CDO1: variants seen among roughly 807,000 people sequenced by gnomAD.
CDO1 encodes cysteine dioxygenase type 1.
Under a neutral mutation model 24.5 loss-of-function variants are expected in CDO1, and 19 were observed. That is an observed-to-expected ratio of 0.77 (90% confidence interval 0.54 to 1.14). CDO1 has a LOEUF of 1.14. CDO1 is among the 50% of genes most tolerant of loss of function. The pLI, the probability that CDO1 is intolerant of heterozygous loss-of-function variation, is 0.00. For synonymous variants in CDO1, 91 were observed against 87.0 expected (o/e 1.05, Z -0.26); for missense variants, 244 against 244.8 (o/e 1.00, Z 0.02).
intron 3 of CDO1, among the ~76,000 whole-genome samples, chr5:115,807,146 T>C (rs986503827): frequency 6.6e-6 from 1 of 152,074 alleles, no homozygotes; most frequent in African/African-American, 2.4e-5. Flanking sequence ...CCATACTGAA[T>C]GGTAAAAATC....
intron 3 of CDO1, among the ~76,000 whole-genome samples, chr5:115,807,866 G>A (rs867107975): frequency 2.4e-4 from 37 of 152,116 alleles, no homozygotes; most frequent in Non-Finnish European, 4.7e-4. Context: ...ATACATCACT[G>A]TGAAATTTCA....
At chr5:115,812,147 A>T (rs1372387254) in intron 2 of CDO1, among the ~76,000 whole-genome samples, 1 of 152,236 alleles carries the variant, frequency 6.6e-6, no homozygotes, top group African/African-American at 2.4e-5. Context: ...CCCACTCTGG[A>T]CATAATGTGC....
At position 115,805,268 on chromosome 5, in the gene CDO1, C is replaced by A; in HGVS notation, c.*165G>T. On this transcript the variant is annotated 3_prime_UTR_variant, in exon 5 of 5. Transcript: ENST00000250535. ...ACTTTTCTTCTGCAGTAGCTGAGGG[C>A]ACTATTTGCTTACTTAATGCCTTAT... The A allele has an allele frequency of 1.8e-6, 1 of 550,228 alleles. No homozygotes were observed. The highest frequency in any genetic ancestry group is 3.0e-5 in the South Asian group (1 of 33,492). 34.1% of individuals were successfully genotyped at this position (550,228 alleles called of 1,614,324 possible).
chr5:115,805,360 G>C lies in CDO1; in HGVS notation c.*73C>G. ...TTAAGTATATTACTGGATAGCACGT[G>C]GTAGGTAGCCTTTTTGTCCAAGGCA... is the stretch of plus-strand genomic sequence containing the variant. On this transcript the variant is annotated 3_prime_UTR_variant, in exon 5 of 5. Transcript: ENST00000250535. The C allele has an allele frequency of 1.6e-6, 2 of 1,274,454 alleles. No homozygotes were observed. 78.9% of individuals were successfully genotyped at this position (1,274,454 alleles called of 1,614,324 possible). A position where few individuals can be genotyped will look rare whatever the true frequency, so the allele number is the denominator to read the frequency against.
At chr5:115,809,128 G>A (rs139941698) in intron 3 of CDO1, among the ~76,000 whole-genome samples, 40 of 152,248 alleles carry the variant, frequency 2.6e-4, no homozygotes, top group African/African-American at 9.1e-4. Flanking sequence ...GTTCAACACT[G>A]CAGGTCCACG....
At chr5:115,814,245 T>C (rs1336206426) in intron 1 of CDO1, 2 of 152,224 alleles carry the variant, frequency 1.3e-5, no homozygotes, top group African/African-American at 4.8e-5. Flanking sequence ...TTTTCCCTAC[T>C]TTGTAGCCTT....
At chr5:115,810,718 G>A (rs1273849263) in intron 3 of CDO1, among the ~76,000 whole-genome samples, 2 of 152,080 alleles carry the variant, frequency 1.3e-5, no homozygotes, top group Non-Finnish European at 1.5e-5. Context: ...GGCCAATAAC[G>A]TGCTTTGTAA....
Position 115,805,468 on chromosome 5 carries a change from A to G in CDO1, c.574-6T>C. 1 of 1,613,562 alleles carries G rather than the reference A, an allele frequency of 6.2e-7. No individual in the cohort carries two copies. On this transcript the variant is annotated splice_polypyrimidine_tract_variant and splice_region_variant and intron_variant, in intron 4 of 4. Coordinates refer to ENST00000250535, the MANE Select transcript of CDO1 (RefSeq NM_001801.3). ...TCCAGCGAGCCCGAAGTTGCCTGTA[A>G]AAAAGGGAAAAAAAGAAAGCTGTGT...
chr5:115,806,649 C>T (rs1170205417), intron 3 of CDO1, 131 bp from the exon 4 acceptor site: 13 of 690,186 alleles, frequency 1.9e-5, no homozygotes, highest in African/African-American at 3.8e-5. Flanking sequence ...TAGAATTGAA[C>T]TTGCAGTTAA....
rs1760460249 is a variant in CDO1 at position 115,816,512 on chromosome 5, C to G, written c.-115G>C. The G allele has an allele frequency of 5.4e-6, 6 of 1,111,748 alleles. No individual in the cohort carries two copies. The highest frequency in any genetic ancestry group is 7.9e-6 in the Non-Finnish European group (6 of 759,846). The allele number at this position is 1,111,748 out of a possible 1,614,324, so 68.9% of individuals were successfully genotyped here. ...ACAGCCCGCTAGACCGCTAAGCAGA[C>G]ACACACGCACAAACCCAGCATTAGA... On this transcript the variant is annotated 5_prime_UTR_variant, in exon 1 of 5. Coordinates refer to ENST00000250535, the MANE Select transcript of CDO1 (RefSeq NM_001801.3).
At chr5:115,808,134 A>G (rs1259589207) in intron 3 of CDO1, among the ~76,000 whole-genome samples, 1 of 152,108 alleles carries the variant, frequency 6.6e-6, no homozygotes, top group African/African-American at 2.4e-5. Flanking sequence ...ACCTGCCACC[A>G]TGCCCAGCTA....
intron 3 of CDO1, among the ~76,000 whole-genome samples, chr5:115,809,068 TA>T (rs1308209634): frequency 6.6e-6 from 1 of 152,200 alleles, no homozygotes; most frequent in Non-Finnish European, 1.5e-5. Context: ...TTTGATCCTG[TA>T]GCTTGTTGTG....
rs73780661 is a variant in CDO1, at chr5:115,813,449, C to A, written c.171-191G>T. ...TCCTTTTTCACAGTTCATTTTGAAC[C>A]GCTGCATTTACAGAGGTAGCTGCTC... On this transcript the variant is annotated intron_variant, in intron 1 of 4. Transcript: ENST00000250535. Among the ~76,000 whole-genome samples the A allele has an allele frequency of 4.1e-4, 63 of 152,102 alleles. 1 individual carries two copies. The highest frequency in any genetic ancestry group is 2.2e-3 in the Admixed American group (34 of 15,276).
At chr5:115,808,967 G>A (rs1426445241) in intron 3 of CDO1, among the ~76,000 whole-genome samples, 1 of 152,142 alleles carries the variant, frequency 6.6e-6, no homozygotes, top group African/African-American at 2.4e-5. Flanking sequence ...TAGGTAATTA[G>A]CGATGCTATC....
intron 3 of CDO1, among the ~76,000 whole-genome samples, chr5:115,808,114 G>A (rs952523198): frequency 6.6e-6 from 1 of 152,148 alleles, no homozygotes; most frequent in Admixed American, 6.5e-5. Context: ...AAGTATCTGG[G>A]ACTACAGGCA....
chr5:115,813,617 C>T (rs550219108), intron 1 of CDO1, among the ~76,000 whole-genome samples: 94 of 137,546 alleles, frequency 6.8e-4, no homozygotes, highest in African/African-American at 2.8e-3. Flanking sequence ...AAGAATGTTG[C>T]TATTGTTTTT....
Position 115,805,137 on chromosome 5 carries a change from C to A in CDO1, c.*296G>T. On this transcript the variant is annotated 3_prime_UTR_variant, in exon 5 of 5. Coordinates refer to ENST00000250535, the MANE Select transcript of CDO1 (RefSeq NM_001801.3). ...AGTATTTCCAAAAGCTATGAAAACC[C>A]TCACTGACGCTCCTAGTATGGATTT... 3.1e-6 allele frequency: 1 copy of A among 321,022 alleles called. No homozygotes were observed. Among genetic ancestry groups the A allele is most frequent in the Non-Finnish European group, 5.6e-6 (1 of 177,640 alleles). 19.9% of individuals were successfully genotyped at this position (321,022 alleles called of 1,614,324 possible). A position where few individuals can be genotyped will look rare whatever the true frequency, so the allele number is the denominator to read the frequency against.
chr5:115,812,972 AG>A (rs1409134088), intron 2 of CDO1, among the ~76,000 whole-genome samples: 1 of 147,328 alleles, frequency 6.8e-6, no homozygotes, highest in Non-Finnish European at 1.5e-5. Context: ...GCTTGAACCC[AG>A]GAGGCAGAAG....
chr5:115,816,170 T>C, intron 1 of CDO1, 58 bp downstream of exon 1: 1 of 1,425,638 alleles, frequency 7.0e-7, no homozygotes. Context: ...CCCACGTCCA[T>C]TCCTCCTCAG....
Sources: allele counts gnomAD v4.1 joint callset (sites outside exome capture counted in the v4.1 genomes callset), GRCh38; gene constraint gnomAD v4.1.1; transcripts MANE v1.5; gene names NCBI Gene and HGNC (gene_info 2026-07-23, HGNC 2026-07-21).